Variants in ROBO2 observed in about 807,000 individuals in gnomAD.
The protein encoded by ROBO2 is roundabout guidance receptor 2.
In ROBO2, 53 loss-of-function variants were observed where a neutral mutation model predicts 160.8. That is an observed-to-expected ratio of 0.33 (90% confidence interval 0.26 to 0.41). The LOEUF (loss-of-function observed/expected upper bound fraction) is 0.41. ROBO2 is among the 10% of genes least tolerant of loss of function. ROBO2 has a pLI of 1.00. For synonymous variants in ROBO2, 664 were observed against 611.7 expected (o/e 1.09, Z -1.26); for missense variants, 1,577 against 1,722.4 (o/e 0.92, Z 1.49).
At chr3:76,304,750 C>CCTAA (rs2071245454) in intron 2 of ROBO2, among the ~76,000 whole-genome samples, 2 of 121,374 alleles carry the variant, frequency 1.6e-5, no homozygotes, top group African/African-American at 3.8e-5. Context: ...TTCTTTCCTT[C>CCTAA]TTTCTTTCTT....
At chr3:76,840,665 AT>A (rs2068164986) in intron 2 of ROBO2, among the ~76,000 whole-genome samples, 1 of 134,550 alleles carries the variant, frequency 7.4e-6, no homozygotes, top group South Asian at 2.4e-4. Context: ...ATATATATAT[AT>A]ATATATATAA....
intron 2 of ROBO2, among the ~76,000 whole-genome samples, chr3:76,124,910 C>A (rs2070910345): frequency 6.6e-6 from 1 of 152,048 alleles, no homozygotes; most frequent in African/African-American, 2.4e-5. Flanking sequence ...TGGGAATATT[C>A]TGTGATGATG....
At chr3:76,194,069 C>A (rs1702130318) in intron 2 of ROBO2, among the ~76,000 whole-genome samples, 1 of 151,852 alleles carries the variant, frequency 6.6e-6, no homozygotes, top group Non-Finnish European at 1.5e-5. Context: ...TGTTCAGCAG[C>A]ATTTCCTAAG....
chr3:76,178,289 T>C (rs2073301270), intron 2 of ROBO2, among the ~76,000 whole-genome samples: 1 of 152,126 alleles, frequency 6.6e-6, no homozygotes, highest in Non-Finnish European at 1.5e-5. Flanking sequence ...TGTAGCAGTT[T>C]TAGATGAGCG....
intron 2 of ROBO2, among the ~76,000 whole-genome samples, chr3:75,978,538 C>T (rs767825984): frequency 1.4e-4 from 21 of 151,188 alleles, no homozygotes; most frequent in Non-Finnish European, 2.1e-4. Context: ...TGAAGTGAGA[C>T]AAAAAATAAA....
At chr3:77,598,160 G>T (rs958381101) in intron 19 of ROBO2, among the ~76,000 whole-genome samples, 35 of 152,036 alleles carry the variant, frequency 2.3e-4, no homozygotes, top group African/African-American at 7.7e-4. Context: ...TCCACTATAA[G>T]CCTTGATGGG....
At chr3:76,375,759 T>G (rs2076314365) in intron 2 of ROBO2, among the ~76,000 whole-genome samples, 1 of 152,022 alleles carries the variant, frequency 6.6e-6, no homozygotes, top group African/African-American at 2.4e-5. Flanking sequence ...AGAAAGTAAT[T>G]TAGTCTCTTT....
chr3:76,246,450 A>C (rs928046232), intron 2 of ROBO2, among the ~76,000 whole-genome samples: 29 of 152,298 alleles, frequency 1.9e-4, no homozygotes, highest in African/African-American at 7.0e-4. Flanking sequence ...ATGTCTGATT[A>C]GTTACTCAGC....
chr3:76,381,046 A>C (rs1395173766), intron 2 of ROBO2, among the ~76,000 whole-genome samples: 4 of 152,014 alleles, frequency 2.6e-5, no homozygotes, highest in Non-Finnish European at 5.9e-5. Flanking sequence ...AAAAAAAAAA[A>C]AAAAAGCAGA....
At chr3:76,181,341 T>C (rs1001526127) in intron 2 of ROBO2, among the ~76,000 whole-genome samples, 2 of 152,142 alleles carry the variant, frequency 1.3e-5, no homozygotes, top group Non-Finnish European at 2.9e-5. Flanking sequence ...ATTGTAATTG[T>C]ATAATATATC....
intron 2 of ROBO2, among the ~76,000 whole-genome samples, chr3:76,847,748 A>G (rs2068909790): frequency 6.6e-6 from 1 of 152,080 alleles, no homozygotes; most frequent in Non-Finnish European, 1.5e-5. Context: ...TTAAGAAGAG[A>G]TAATAAAATT....
intron 2 of ROBO2, among the ~76,000 whole-genome samples, chr3:76,390,502 CTG>C (rs1295597430): frequency 6.6e-6 from 1 of 152,100 alleles, no homozygotes; most frequent in African/African-American, 2.4e-5. Flanking sequence ...ATAATTATAA[CTG>C]TAATTTTTAC....
chr3:77,414,157 T>C (rs988414917), intron 2 of ROBO2, among the ~76,000 whole-genome samples: 1 of 152,178 alleles, frequency 6.6e-6, no homozygotes, highest in African/African-American at 2.4e-5. Flanking sequence ...CTTATTCTGT[T>C]GGCCAAATGA....
intron 2 of ROBO2, among the ~76,000 whole-genome samples, chr3:76,901,568 C>A (rs1350360899): frequency 2.4e-3 from 181 of 75,780 alleles, no homozygotes; most frequent in South Asian, 4.9e-3. Flanking sequence ...AATTTCATCT[C>A]AAAAAAAAAA....
chr3:76,103,736 G>A (rs2069800515), intron 2 of ROBO2, among the ~76,000 whole-genome samples: 1 of 152,150 alleles, frequency 6.6e-6, no homozygotes, highest in Non-Finnish European at 1.5e-5. Context: ...TCCTTTGCAG[G>A]CCATCAAATC....
At chr3:77,180,435 T>TATATATATATA (rs1491200828) in intron 2 of ROBO2, among the ~76,000 whole-genome samples, 27 of 63,872 alleles carry the variant, frequency 4.2e-4, no homozygotes, top group Non-Finnish European at 7.3e-4. Flanking sequence ...TATATATGTA[T>TATATATATATA]TTTTTTTTTT....
chr3:77,639,438 G>C (rs917617407), intron 24 of ROBO2, among the ~76,000 whole-genome samples: 1 of 152,154 alleles, frequency 6.6e-6, no homozygotes, highest in African/African-American at 2.4e-5. Flanking sequence ...TAGGTGTAGG[G>C]AGGAAGTATT....
chr3:76,378,614 G>A (rs2076466253), intron 2 of ROBO2, among the ~76,000 whole-genome samples: 1 of 152,158 alleles, frequency 6.6e-6, no homozygotes, highest in African/African-American at 2.4e-5. Flanking sequence ...GTGCAGAGTA[G>A]CAAGTTTAGT....
intron 2 of ROBO2, among the ~76,000 whole-genome samples, chr3:76,752,432 T>G (rs1380179142): frequency 7.6e-6 from 1 of 130,790 alleles, no homozygotes; most frequent in Non-Finnish European, 1.7e-5. Context: ...ACATAAAGTA[T>G]AAAACAAAAA....
Sources: allele counts gnomAD v4.1 joint callset (sites outside exome capture counted in the v4.1 genomes callset), GRCh38; gene constraint gnomAD v4.1.1; transcripts MANE v1.5; gene names NCBI Gene and HGNC (gene_info 2026-07-23, HGNC 2026-07-21).